MYPN: variants seen among roughly 807,000 people sequenced by gnomAD.
The protein encoded by MYPN is sarcomeric protein myopalladin, 145 kDa (MYOP).
MYPN carries 63 observed loss-of-function variants against 129.4 expected under a neutral mutation model. That is an observed-to-expected ratio of 0.49 (90% CI 0.40 to 0.60). MYPN has a LOEUF of 0.60. Among genes scored for constraint, MYPN ranks in the 20% least tolerant of loss-of-function variants. The pLI, the probability that MYPN is intolerant of heterozygous loss-of-function variation, is 0.00. For synonymous variants in MYPN, 629 were observed against 600.9 expected (o/e 1.05, Z -0.68); for missense variants, 1,596 against 1,635.4 (o/e 0.98, Z 0.42).
intron 7 of MYPN, among the ~76,000 whole-genome samples, chr10:68,159,256 G>A (rs1298282330): frequency 6.6e-6 from 1 of 152,072 alleles, no homozygotes; most frequent in Non-Finnish European, 1.5e-5. Context: ...GCATAAACTA[G>A]GTCTGCCCCA....
chr10:68,184,492 G>A (rs568707928), intron 12 of MYPN, among the ~76,000 whole-genome samples: 2 of 152,070 alleles, frequency 1.3e-5, no homozygotes, highest in Non-Finnish European at 2.9e-5. Flanking sequence ...GCAATGGCAC[G>A]ATCTTGACTC....
chr10:68,182,252 CACAT>C (rs2043326487), intron 12 of MYPN, among the ~76,000 whole-genome samples: 1 of 110,210 alleles, frequency 9.1e-6, no homozygotes, highest in African/African-American at 3.3e-5. Flanking sequence ...ATATATAACA[CACAT>C]ATATATATAA....
At chr10:68,100,787 T>C (rs2041977990) in intron 1 of MYPN, among the ~76,000 whole-genome samples, 1 of 152,116 alleles carries the variant, frequency 6.6e-6, no homozygotes, top group Admixed American at 6.6e-5. Context: ...ATTATAAGCA[T>C]CCATTGAGCC....
At position 68,109,670 on chromosome 10, in the gene MYPN, G is replaced by T. The variant is rs946208133; in HGVS notation, c.-55G>T. On this transcript the variant is annotated 5_prime_UTR_variant, in exon 1 of 20. Transcript: ENST00000358913. ...AAGTTCTCCCTGGATAATTATCATT[G>T]CAGTGGAGTGCCTGGATTGGACATC... 4 of 453,942 alleles carry T rather than the reference G, an allele frequency of 8.8e-6. No homozygotes were observed. Among genetic ancestry groups the T allele is most frequent in the Non-Finnish European group, 1.8e-5 (4 of 226,792 alleles). 28.1% of individuals were successfully genotyped at this position (453,942 alleles called of 1,614,324 possible).
intron 12 of MYPN, among the ~76,000 whole-genome samples, chr10:68,175,810 A>C (rs2043219215): frequency 6.6e-6 from 1 of 152,192 alleles, no homozygotes; most frequent in Admixed American, 6.5e-5. Context: ...GCTGGGGTGC[A>C]GTGGTATGAT....
intron 12 of MYPN, among the ~76,000 whole-genome samples, chr10:68,176,552 T>C (rs1219495061): frequency 6.6e-6 from 1 of 152,222 alleles, no homozygotes; most frequent in Admixed American, 6.5e-5. Context: ...GGATATATAG[T>C]AATTCGCAAT....
chr10:68,143,007 C>T lies in MYPN; in HGVS notation c.970C>T (p.His324Tyr), dbSNP rs1589550119. The T allele has an allele frequency of 1.2e-6, 2 of 1,614,158 alleles. No homozygotes were observed. The highest frequency in any genetic ancestry group is 1.7e-6 in the Non-Finnish European group (2 of 1,180,012). The change falls in exon 3 of 20, where the codon CAC becomes TAC. Residue 324 changes from histidine (H) to tyrosine (Y), a missense_variant. His to Tyr is a moderately conservative substitution (Grantham distance 83). Coordinates refer to ENST00000358913, the MANE Select transcript of MYPN (RefSeq NM_032578.4). Reference protein sequence around the residue: ...DIHIVQAGNLHSLTIAEAFEE... With the variant: ...DIHIVQAGNLYSLTIAEAFEE... ...TCACATCGTCCAGGCAGGAAATCTG[C>T]ACTCACTGACCATTGCGGAAGCCTT... is the stretch of plus-strand genomic sequence containing the variant.
chr10:68,149,884 T>G (rs1306410925), intron 5 of MYPN, among the ~76,000 whole-genome samples, 156 bp from the exon 6 acceptor site: 2 of 152,170 alleles, frequency 1.3e-5, no homozygotes, highest in Non-Finnish European at 2.9e-5. Flanking sequence ...GTCAATTCAG[T>G]CTAAAATTTG....
At chr10:68,132,649 G>A (rs1247178763) in intron 2 of MYPN, among the ~76,000 whole-genome samples, 1 of 152,050 alleles carries the variant, frequency 6.6e-6, no homozygotes, top group Non-Finnish European at 1.5e-5. Context: ...TTAAAGTTTG[G>A]GTAGATGACA....
At position 68,211,148 on chromosome 10, in the gene MYPN, A is replaced by C. The variant is rs967267234; in HGVS notation, c.*693A>C. The C allele has an allele frequency of 4.4e-6, 2 of 454,070 alleles. No homozygotes were observed. Among genetic ancestry groups the C allele is most frequent in the Non-Finnish European group, 8.8e-6 (2 of 226,788 alleles). 28.1% of individuals were successfully genotyped at this position (454,070 alleles called of 1,614,324 possible). On this transcript the variant is annotated 3_prime_UTR_variant, in exon 20 of 20. Transcript: ENST00000358913. ...AGCATGGCCTTACCAGCTTGTCTGC[A>C]CTATTTTCTTTTGGGTGGTGACTGT...
intron 8 of MYPN, among the ~76,000 whole-genome samples, chr10:68,164,841 T>C (rs1463261381): frequency 1.3e-5 from 2 of 152,244 alleles, no homozygotes; most frequent in South Asian, 4.1e-4. Context: ...TGCATTTCAC[T>C]CTTCTTTCAC....
At chr10:68,182,441 C>CATATATACAACATAT (rs2043346170) in intron 12 of MYPN, among the ~76,000 whole-genome samples, 4 of 113,788 alleles carry the variant, frequency 3.5e-5, no homozygotes, top group Non-Finnish European at 7.2e-5. Flanking sequence ...ATATATATAA[C>CATATATACAACATAT]ATATATATAA....
upstream of MYPN, among the ~76,000 whole-genome samples, chr10:68,104,213 C>G (rs1289845650): frequency 6.6e-6 from 1 of 152,124 alleles, no homozygotes; most frequent in African/African-American, 2.4e-5. Context: ...TTACCTGGGT[C>G]ATGAGTAAGA....
chr10:68,154,498 C>T (rs928532874), intron 6 of MYPN, among the ~76,000 whole-genome samples: 1 of 152,226 alleles, frequency 6.6e-6, no homozygotes, highest in Non-Finnish European at 1.5e-5. Context: ...GGCCCCTCTC[C>T]CCATTCAATC....
intron 1 of MYPN, among the ~76,000 whole-genome samples, chr10:68,096,728 T>C (rs1056330912): frequency 1.3e-5 from 2 of 152,196 alleles, no homozygotes; most frequent in African/African-American, 4.8e-5. Context: ...CATAAGAGTG[T>C]TTATATGCAT....
chr10:68,142,908 C>A, intron 2 of MYPN, 32 bp from the exon 3 acceptor site: 1 of 1,605,412 alleles, frequency 6.2e-7, no homozygotes, highest in South Asian at 1.1e-5. Flanking sequence ...GCATTTGAGT[C>A]ATGTCCAATG....
intron 12 of MYPN, among the ~76,000 whole-genome samples, chr10:68,181,523 C>T (rs2043312796): frequency 6.6e-6 from 1 of 152,086 alleles, no homozygotes; most frequent in African/African-American, 2.4e-5. Context: ...CTCTTGACCT[C>T]AAGTGATCCA....
chr10:68,196,403 T>C (rs2043605448), intron 15 of MYPN, among the ~76,000 whole-genome samples: 1 of 152,014 alleles, frequency 6.6e-6, no homozygotes, highest in South Asian at 2.1e-4. Context: ...GAATTAAATG[T>C]GACTTACCAA....
At chr10:68,105,183 C>T (rs763292924), upstream of MYPN, among the ~76,000 whole-genome samples, 2 of 152,144 alleles carry the variant, frequency 1.3e-5, no homozygotes, top group Non-Finnish European at 2.9e-5. Flanking sequence ...GACTCAGGTT[C>T]AATTTTGGCT....
Sources: gnomAD v4.1 joint callset for allele counts (sites outside exome capture counted in the v4.1 genomes callset) on GRCh38, gnomAD v4.1.1 for gene constraint, MANE v1.5 for transcripts, NCBI Gene and HGNC (gene_info 2026-07-23, HGNC 2026-07-21) for gene names.